PLEKHB2: variants seen among roughly 807,000 people sequenced by gnomAD.
PLEKHB2 encodes pleckstrin homology domain containing B2.
A neutral mutation model predicts 36.5 loss-of-function variants in PLEKHB2; 31 were observed. That is an observed-to-expected ratio of 0.85 (90% CI 0.64 to 1.15). The LOEUF is 1.15. PLEKHB2 is among the 50% of genes most tolerant of loss of function. The pLI, the probability that PLEKHB2 is intolerant of heterozygous loss-of-function variation, is 0.00. For missense variants in PLEKHB2, 262 were observed against 295.3 expected (o/e 0.89, Z 0.83); for synonymous variants, 119 against 112.0 (o/e 1.06, Z -0.39).
chr2:131,132,861 T>C, intron 5 of PLEKHB2, 41 bp from the exon 6 acceptor site: 1 of 1,136,490 alleles, frequency 8.8e-7, no homozygotes, highest in Non-Finnish European at 1.3e-6. Context: ...ACACAGCTGC[T>C]GGGAAGCTGT....
intron 1 of PLEKHB2, among the ~76,000 whole-genome samples, chr2:131,106,720 C>A (rs967342972): frequency 1.3e-5 from 2 of 152,144 alleles, no homozygotes; most frequent in African/African-American, 4.8e-5. Flanking sequence ...TGTTTACTCT[C>A]TGTGGTGGTG....
intron 7 of PLEKHB2, among the ~76,000 whole-genome samples, chr2:131,140,911 C>T (rs1014294695): frequency 2.6e-5 from 4 of 152,162 alleles, no homozygotes; most frequent in Non-Finnish European, 5.9e-5. Flanking sequence ...GCTGGGCAGG[C>T]GCAGTGGGCA....
intron 1 of PLEKHB2, among the ~76,000 whole-genome samples, chr2:131,106,596 C>A (rs1241170495): frequency 6.6e-6 from 1 of 152,114 alleles, no homozygotes; most frequent in Non-Finnish European, 1.5e-5. Context: ...ACTGCTGTGA[C>A]GGTTCAATTG....
chr2:131,119,786 A>G (rs113178754), intron 1 of PLEKHB2, among the ~76,000 whole-genome samples: 254 of 151,974 alleles, frequency 1.7e-3, no homozygotes, highest in African/African-American at 5.8e-3. Context: ...TACAGTTGGA[A>G]TTGTATCTGT....
chr2:131,142,992 C>T (rs187473842), intron 7 of PLEKHB2, among the ~76,000 whole-genome samples: 15 of 152,138 alleles, frequency 9.9e-5, no homozygotes, highest in Admixed American at 3.3e-4. Flanking sequence ...TAGTAGAAAC[C>T]GTACTTCAGG....
In PLEKHB2 at chr2:131,146,696, G is replaced by C. The variant is rs368388748; in HGVS notation, c.592G>C (p.Asp198His). 1 of 1,614,018 alleles carries C rather than the reference G, an allele frequency of 6.2e-7. No homozygotes were observed. The highest frequency in any genetic ancestry group is 1.7e-5 in the Admixed American group (1 of 60,000). Reference sequence around the variant, plus strand: ...CATTCGAGAGCGCTATCGAGACAACGACAGCGACCTGGCACTGGGCATGCT... The same window carrying C: ...CATTCGAGAGCGCTATCGAGACAACCACAGCGACCTGGCACTGGGCATGCT... ...VIIRERYRDN[D>H]SDLALGMLAG... Residue 198 changes from aspartate to histidine, a missense_variant, in exon 8 of 8, where the codon GAC becomes CAC. Physicochemically the swap from Asp to His is moderately conservative, Grantham distance 81. Transcript: ENST00000693505.
intron 2 of PLEKHB2, among the ~76,000 whole-genome samples, chr2:131,123,227 C>A (rs1333108719): frequency 6.6e-6 from 1 of 152,178 alleles, no homozygotes; most frequent in Non-Finnish European, 1.5e-5. Context: ...GTTAATTTTC[C>A]TTCTTTCCTG....
chr2:131,141,410 C>T (rs1221827320), intron 7 of PLEKHB2, among the ~76,000 whole-genome samples: 3 of 151,904 alleles, frequency 2.0e-5, no homozygotes, highest in South Asian at 2.1e-4. Flanking sequence ...GAGGCTGAGG[C>T]GGGTGGATCA....
At chr2:131,116,468 C>T (rs1695889673) in intron 1 of PLEKHB2, among the ~76,000 whole-genome samples, 1 of 152,216 alleles carries the variant, frequency 6.6e-6, no homozygotes. Context: ...GTTCTGCAGA[C>T]TGTACAGGAG....
intron 1 of PLEKHB2, among the ~76,000 whole-genome samples, chr2:131,114,512 C>T (rs909810137): frequency 5.3e-5 from 8 of 152,194 alleles, no homozygotes; most frequent in African/African-American, 1.9e-4. Context: ...TTGAATTTCT[C>T]CCCAGAAAAT....
chr2:131,110,080 C>G (rs1243044899), intron 1 of PLEKHB2, among the ~76,000 whole-genome samples: 1 of 151,592 alleles, frequency 6.6e-6, no homozygotes, highest in Non-Finnish European at 1.5e-5. Flanking sequence ...GCGCCACTGC[C>G]CTCCAGCCTG....
rs369370711 is a variant in PLEKHB2 at position 131,140,191 on chromosome 2, G to A, written c.448G>A (p.Gly150Ser). 29 of 1,612,866 alleles carry A rather than the reference G, an allele frequency of 1.8e-5. No homozygotes were observed. The African/African-American group carries it at 2.0e-4, about 11-fold the overall frequency. ...PEQAYGYGPY[G>S]GAYPPGTQVV... is the part of the protein sequence containing the mutation. ...GCAGGCTTATGGCTATGGGCCATAC[G>A]GTGGTGCGTACCCGCCAGGAACTCA... Residue 150 changes from glycine (G) to serine (S), a missense_variant, in exon 7 of 8, where the codon GGT becomes AGT. Transcript: ENST00000693505.
At chr2:131,109,749 A>G (rs1695102557) in intron 1 of PLEKHB2, among the ~76,000 whole-genome samples, 1 of 152,124 alleles carries the variant, frequency 6.6e-6, no homozygotes, top group African/African-American at 2.4e-5. Flanking sequence ...ATAAAAAAAA[A>G]TATATCAATC....
chr2:131,112,711 G>A (rs539983177), intron 1 of PLEKHB2, among the ~76,000 whole-genome samples: 1 of 151,922 alleles, frequency 6.6e-6, no homozygotes, highest in African/African-American at 2.4e-5. Flanking sequence ...AATGATTGAG[G>A]GTCACATTGT....
chr2:131,140,203 C>G lies in PLEKHB2; in HGVS notation c.460C>G (p.Pro154Ala). Reference protein sequence around the residue: ...YGYGPYGGAYPPGTQVVYAAN... With the variant: ...YGYGPYGGAYAPGTQVVYAAN... ...CTATGGGCCATACGGTGGTGCGTACCCGCCAGGAACTCAAGTTGTCTACGC... is the reference window on the plus strand; with the variant it reads ...CTATGGGCCATACGGTGGTGCGTACGCGCCAGGAACTCAAGTTGTCTACGC... The change falls in exon 7 of 8, where the codon CCG becomes GCG. Residue 154 changes from proline (P) to alanine (A), a missense_variant. By Grantham distance (27) the Pro-to-Ala change is conservative. Transcript: ENST00000693505. 1 of 1,613,532 alleles carries G rather than the reference C, an allele frequency of 6.2e-7. No individual in the cohort carries two copies. Among genetic ancestry groups the G allele is most frequent in the Non-Finnish European group, 8.5e-7 (1 of 1,179,540 alleles).
At chr2:131,130,504 AAGTAT>A (rs1697570335) in intron 4 of PLEKHB2, among the ~76,000 whole-genome samples, 1 of 152,188 alleles carries the variant, frequency 6.6e-6, no homozygotes, top group African/African-American at 2.4e-5. Context: ...GTAAAGTAAA[AAGTAT>A]AGTATAGATT....
chr2:131,129,932 A>T (rs1238150260), intron 4 of PLEKHB2, among the ~76,000 whole-genome samples: 2 of 152,216 alleles, frequency 1.3e-5, no homozygotes, highest in Non-Finnish European at 2.9e-5. Flanking sequence ...ATACCTGCTG[A>T]AATAAATTAT....
intron 4 of PLEKHB2, among the ~76,000 whole-genome samples, chr2:131,127,484 T>C (rs1230760790): frequency 6.6e-6 from 1 of 152,238 alleles, no homozygotes; most frequent in African/African-American, 2.4e-5. Flanking sequence ...TATGCAAATA[T>C]CCTATTTCCA....
chr2:131,123,830 G>A (rs1696813825), intron 2 of PLEKHB2, among the ~76,000 whole-genome samples: 2 of 118,566 alleles, frequency 1.7e-5, no homozygotes, highest in African/African-American at 6.6e-5. Context: ...TTACAGGCAT[G>A]AGCCACTGTG....
Sources: allele counts gnomAD v4.1 joint callset (sites outside exome capture counted in the v4.1 genomes callset), GRCh38; gene constraint gnomAD v4.1.1; transcripts MANE v1.5; gene names NCBI Gene and HGNC (gene_info 2026-07-23, HGNC 2026-07-21).